ALOX15B: variants seen among roughly 807,000 people sequenced by gnomAD.
The protein encoded by ALOX15B is polyunsaturated fatty acid lipoxygenase ALOX15B.
Under a neutral mutation model 73.8 loss-of-function variants are expected in ALOX15B, and 74 were observed. That is an observed-to-expected ratio of 1.00 (90% CI 0.83 to 1.22). ALOX15B has a LOEUF of 1.22. ALOX15B is among the 50% of genes most tolerant of loss of function. ALOX15B has a pLI of 0.00. For missense variants in ALOX15B, 896 were observed against 859.9 expected, an observed-to-expected ratio of 1.04 and a Z score of -0.52; for synonymous variants, 353 against 357.2, an observed-to-expected ratio of 0.99 and a Z score of 0.13.
At chr17:8,039,685 G>T in intron 2 of ALOX15B, 80 bp downstream of exon 2, 2 of 1,357,472 alleles carry the variant, frequency 1.5e-6, no homozygotes, top group Non-Finnish European at 9.9e-7. Flanking sequence ...AAGGGCAGGT[G>T]AAATGGAGAG....
intron 5 of ALOX15B, among the ~76,000 whole-genome samples, chr17:8,044,556 T>C (rs1976552957): frequency 6.6e-6 from 1 of 151,954 alleles, no homozygotes; most frequent in Non-Finnish European, 1.5e-5. Flanking sequence ...GAATAATCTG[T>C]ATTTGGCCTG....
intron 8 of ALOX15B, among the ~76,000 whole-genome samples, chr17:8,046,116 G>A (rs2072685): frequency 0.076 from 11,553 of 152,178 alleles, 509 homozygotes; most frequent in East Asian, 0.16. Context: ...GCATGGATTC[G>A]AGGCATCTCC....
intron 5 of ALOX15B, among the ~76,000 whole-genome samples, chr17:8,044,325 G>A (rs138857330): frequency 0.01 from 1,590 of 151,774 alleles, 17 homozygotes; most frequent in Middle Eastern, 0.027. Context: ...GGGAGGCTGA[G>A]GCAGGAGGAT....
In ALOX15B at chr17:8,048,747, A is replaced by C; in HGVS notation, c.*182A>C. Reference sequence around the variant, plus strand: ...ACACAAAAACAGAAACAAAATCAAAACAGAGAAAGCAGAAAATCTACCAAG... The same window carrying C: ...ACACAAAAACAGAAACAAAATCAAACCAGAGAAAGCAGAAAATCTACCAAG... On this transcript the variant is annotated 3_prime_UTR_variant, in exon 14 of 14. Coordinates refer to ENST00000380183, the MANE Select transcript of ALOX15B (RefSeq NM_001141.3). 3 of 596,960 alleles carry C rather than the reference A, an allele frequency of 5.0e-6. No individual in the cohort carries two copies. The highest frequency in any genetic ancestry group is 8.2e-6 in the Non-Finnish European group (3 of 364,682). 37.0% of individuals were successfully genotyped at this position (596,960 alleles called of 1,614,324 possible). A position where few individuals can be genotyped will look rare whatever the true frequency, so the allele number is the denominator to read the frequency against.
At chr17:8,047,455 T>A (rs1264312436) in intron 11 of ALOX15B, 76 bp downstream of exon 11, 2 of 1,600,072 alleles carry the variant, frequency 1.2e-6, no homozygotes, top group African/African-American at 2.7e-5. Context: ...GAGCACGCAT[T>A]TGAGTGGCCC....
intron 5 of ALOX15B, among the ~76,000 whole-genome samples, chr17:8,043,839 T>C (rs1598163707): frequency 6.6e-6 from 1 of 151,914 alleles, no homozygotes; most frequent in African/African-American, 2.4e-5. Context: ...AAGGCCAAGG[T>C]AGGTAGATTG....
intron 3 of ALOX15B, among the ~76,000 whole-genome samples, chr17:8,040,652 A>AAAGAAAGAAAGAAAGAAAGAAAGAAAG (rs200945787): frequency 3.1e-5 from 3 of 97,072 alleles, no homozygotes; most frequent in African/African-American, 6.9e-5. Flanking sequence ...AGAAAGAAAG[A>AAAGAAAGAAAGAAAGAAAGAAAGAAAG]AAAGAAAGAG....
intron 8 of ALOX15B, 57 bp downstream of exon 8, chr17:8,045,743 G>T (rs1171267115): frequency 5.7e-6 from 9 of 1,575,616 alleles, no homozygotes; most frequent in Non-Finnish European, 6.9e-6. Context: ...CCTCTTCTAA[G>T]CAGCCTTTCC....
Position 8,047,841 on chromosome 17 carries a change from A to C in ALOX15B, c.1777A>C (p.Thr593Pro), listed in dbSNP as rs1392287569. 6.2e-7 allele frequency: 1 copy of C among 1,613,922 alleles called. No individual in the cohort carries two copies. The highest frequency in any genetic ancestry group is 8.5e-7 in the Non-Finnish European group (1 of 1,179,978). The change falls in exon 13 of 14, where the codon ACC (threonine) becomes CCC (proline). Residue 593 changes from threonine (T) to proline (P), a missense_variant. Transcript: ENST00000380183. ...GLATCEGFIA[T>P]LPPVNATCDV... ...GGCAACATGCGAGGGCTTCATAGCC[A>C]CCCTCCCACCTGTCAATGCCACATG...
At chr17:8,040,620 A>AAAG (rs1976425077) in intron 3 of ALOX15B, among the ~76,000 whole-genome samples, 1 of 126,730 alleles carries the variant, frequency 7.9e-6, no homozygotes, top group Non-Finnish European at 1.8e-5. Flanking sequence ...AGAAAGAAAG[A>AAAG]AAGAAAGAAA....
At position 8,045,645 on chromosome 17, in the gene ALOX15B, G is replaced by T; in HGVS notation, c.1159G>T (p.Ala387Ser). ...SHLLPEVFTL[A>S]TLRQLPHCHP... The stretch of plus-strand genomic sequence containing the variant: ...TCTGCTGCCTGAGGTCTTCACCCTG[G>T]CTACCCTGCGTCAGCTGCCCCACTG... The change falls in exon 8 of 14, where the codon GCT becomes TCT. Residue 387 changes from alanine (A) to serine (S), a missense_variant. Transcript: ENST00000380183. 1 of 1,614,124 alleles carries T rather than the reference G, an allele frequency of 6.2e-7. No homozygotes were observed. The highest frequency in any genetic ancestry group is 8.5e-7 in the Non-Finnish European group (1 of 1,180,026).
intron 3 of ALOX15B, among the ~76,000 whole-genome samples, chr17:8,040,651 G>GAA (rs138305271): frequency 2.2e-5 from 2 of 92,502 alleles, no homozygotes; most frequent in Admixed American, 1.0e-4. Context: ...AAGAAAGAAA[G>GAA]AAAAGAAAGA....
In ALOX15B at chr17:8,042,863, T is replaced by C. The variant is rs1414918721; in HGVS notation, c.655T>C (p.Phe219Leu). The C allele has an allele frequency of 1.3e-6, 2 of 1,553,266 alleles. No individual in the cohort carries two copies. Among genetic ancestry groups the C allele is most frequent in the Non-Finnish European group, 1.7e-6 (2 of 1,147,942 alleles). Residue 219 changes from phenylalanine to leucine, a missense_variant, in exon 5 of 14, where the codon TTC becomes CTC. Phe to Leu is a conservative substitution (Grantham distance 22). Coordinates refer to ENST00000380183, the MANE Select transcript of ALOX15B (RefSeq NM_001141.3). ...SLNEMKRIFN[F>L]RRTPAAEHAF... ...GAATGAGATGAAAAGGATCTTCAAC[T>C]TCCGGAGGACCCCAGCAGCTGGTGA...
intron 5 of ALOX15B, among the ~76,000 whole-genome samples, chr17:8,044,379 G>A (rs573774745): frequency 2.7e-5 from 4 of 145,682 alleles, no homozygotes; most frequent in East Asian, 2.0e-4. Flanking sequence ...CCGAGGTCAC[G>A]CCACTGGACT....
rs1168345200 is a variant in ALOX15B, at chr17:8,047,339, A to T, written c.1539A>T (p.Arg513Ser). 1.2e-6 allele frequency: 2 copies of T among 1,614,004 alleles called. No individual in the cohort carries two copies. The highest frequency in any genetic ancestry group is 1.3e-5 in the African/African-American group (1 of 74,900). ...ACAGAGAGCTCCAGGCCTGGGTCAGAGAGATCTTCTCCAAGGGCTTCCTAA... is the reference window on the plus strand; with the variant it reads ...ACAGAGAGCTCCAGGCCTGGGTCAGTGAGATCTTCTCCAAGGGCTTCCTAA... ...QDDRELQAWV[R>S]EIFSKGFLNQ... Residue 513 changes from arginine (R) to serine (S), a missense_variant, in exon 11 of 14, where the codon AGA (arginine) becomes AGT (serine). Physicochemically the swap from Arg to Ser is moderately radical, Grantham distance 110. Coordinates refer to ENST00000380183, the MANE Select transcript of ALOX15B (RefSeq NM_001141.3).
At position 8,047,771 on chromosome 17, in the gene ALOX15B, CCTGCCACCCAGCATGCAG is replaced by C; in HGVS notation, c.1716_1733del (p.Ser573_Pro578del). 1.9e-6 allele frequency: 3 copies of C among 1,614,200 alleles called. No homozygotes were observed. The highest frequency in any genetic ancestry group is 2.5e-6 in the Non-Finnish European group (3 of 1,180,030). On this transcript the variant is annotated inframe_deletion, in exon 13 of 14. Transcript: ENST00000380183. ...TTGACTCCTGTGCTTGGATGCCCAA[CCTGCCACCCAGCATGCAG>C]CTGCCACCACCCACCTCCAAAGGCC...
intron 5 of ALOX15B, among the ~76,000 whole-genome samples, chr17:8,043,867 G>C (rs1976526530): frequency 6.6e-6 from 1 of 152,146 alleles, no homozygotes; most frequent in Non-Finnish European, 1.5e-5. Context: ...TCAGGAGTTT[G>C]AGACCAGGCT....
chr17:8,039,626 G>A lies in ALOX15B; in HGVS notation c.367+21G>A, dbSNP rs1219775013. 2.5e-6 allele frequency: 3 copies of A among 1,187,534 alleles called. 1 individual carries two copies. Among genetic ancestry groups the A allele is most frequent in the Non-Finnish European group, 3.6e-6 (3 of 838,242 alleles). The allele number at this position is 1,187,534 out of a possible 1,614,324, so 73.6% of individuals were successfully genotyped here. ...TACAGGTGAGGGGCGGGCCGGGCTG[G>A]GGCTGCAGGGGGAGCACAGGAAGGG... is the stretch of plus-strand genomic sequence containing the variant. On this transcript the variant is annotated intron_variant, in intron 2 of 13. Transcript: ENST00000380183.
intron 2 of ALOX15B, 116 bp downstream of exon 2, chr17:8,039,721 C>T (rs1398957300): frequency 1.6e-6 from 2 of 1,237,258 alleles, no homozygotes; most frequent in South Asian, 1.5e-5. Context: ...CACAGAGTAG[C>T]GGGCAGAGGA....
Sources: allele counts gnomAD v4.1 joint callset (sites outside exome capture counted in the v4.1 genomes callset), GRCh38; gene constraint gnomAD v4.1.1; transcripts MANE v1.5; gene names NCBI Gene and HGNC (gene_info 2026-07-23, HGNC 2026-07-21).